The following CREB1 variants were observed in gnomAD, a reference collection of about 807,000 sequenced individuals.
CREB1 encodes the protein cyclic AMP-responsive element-binding protein 1.
Under a neutral mutation model 42.0 loss-of-function variants are expected in CREB1, and 2 were observed. That is an observed-to-expected ratio of 0.05 (90% CI 0.02 to 0.15). CREB1 has a LOEUF of 0.15. Ranked by LOEUF, CREB1 falls within the 10% of genes least tolerant of loss-of-function variation. The probability of loss-of-function intolerance (pLI) is 1.00; values close to 1 mark genes in which losing one functional copy is unlikely to be tolerated. For synonymous variants in CREB1, 123 were observed against 139.9 expected, an observed-to-expected ratio of 0.88 and a Z score of 0.85; for missense variants, 199 against 388.9, an observed-to-expected ratio of 0.51 and a Z score of 4.11.
At chr2:207,591,118 G>T (rs1367824423) in intron 7 of CREB1, among the ~76,000 whole-genome samples, 1 of 152,124 alleles carries the variant, frequency 6.6e-6, no homozygotes, top group Non-Finnish European at 1.5e-5. Context: ...GATAGGTGTA[G>T]TTGATTATGT....
At chr2:207,556,260 C>G (rs2106457684) in intron 2 of CREB1, among the ~76,000 whole-genome samples, 1 of 152,176 alleles carries the variant, frequency 6.6e-6, no homozygotes, top group African/African-American at 2.4e-5. Flanking sequence ...TTTCATCTTT[C>G]TCTTTAACAT....
Position 207,575,360 on chromosome 2 carries a change from A to G in CREB1, c.594A>G (p.Ala198=). The G allele has an allele frequency of 6.2e-7, 1 of 1,614,192 alleles. No homozygotes were observed. The highest frequency in any genetic ancestry group is 2.2e-5 in the East Asian group (1 of 44,878). The change falls in exon 6 of 8, where the codon GCA becomes GCG. Residue 198 remains alanine (A), a synonymous_variant. Transcript: ENST00000353267. ...QGLQTLTMTN[A]AATQPGTTIL... The stretch of plus-strand genomic sequence containing the variant: ...TGCAAACATTAACCATGACCAATGC[A>G]GCAGCCACTCAGCCGGGTACTACCA...
At position 207,599,318 on chromosome 2, in the gene CREB1, ATTAT is replaced by A. The variant is rs1465850929; in HGVS notation, c.*2266_*2269del. 12 of 207,224 alleles carry A rather than the reference ATTAT, an allele frequency of 5.8e-5. No individual in the cohort carries two copies. Among genetic ancestry groups the A allele is most frequent in the East Asian group, 5.2e-4 (7 of 13,450 alleles). The allele number at this position is 207,224 out of a possible 1,614,324, so 12.8% of individuals were successfully genotyped here. ...GTCACAAATATGTTCACAAGTTGGA[ATTAT>A]TTATTGAGTCAAAATGTCGAATCGA... On this transcript the variant is annotated 3_prime_UTR_variant, in exon 8 of 8. Coordinates refer to ENST00000353267, the MANE Select transcript of CREB1 (RefSeq NM_004379.5).
intron 1 of CREB1, among the ~76,000 whole-genome samples, chr2:207,553,707 T>C (rs1321494961): frequency 1.3e-5 from 2 of 152,326 alleles, no homozygotes; most frequent in East Asian, 3.9e-4. Flanking sequence ...TTTGTTTTAA[T>C]TATCCAAGTA....
At chr2:207,566,704 T>C (rs996117329) in intron 3 of CREB1, among the ~76,000 whole-genome samples, 1 of 152,324 alleles carries the variant, frequency 6.6e-6, no homozygotes, top group East Asian at 1.9e-4. Flanking sequence ...ATCTATGGAA[T>C]GGATATAATA....
At chr2:207,536,208 A>C (rs1170693282) in intron 1 of CREB1, among the ~76,000 whole-genome samples, 1 of 152,224 alleles carries the variant, frequency 6.6e-6, no homozygotes, top group Non-Finnish European at 1.5e-5. Flanking sequence ...GAAAGTGATT[A>C]ATAATATAGC....
chr2:207,548,175 C>T (rs572835389), intron 1 of CREB1, among the ~76,000 whole-genome samples: 2 of 152,060 alleles, frequency 1.3e-5, no homozygotes, highest in African/African-American at 2.4e-5. Flanking sequence ...GTAATCTGCC[C>T]GCCTAGGCCT....
chr2:207,564,284 G>T (rs1001969484), intron 3 of CREB1, among the ~76,000 whole-genome samples: 7 of 152,064 alleles, frequency 4.6e-5, no homozygotes, highest in African/African-American at 7.2e-5. Context: ...CAGGCAGGAG[G>T]ATTGCTTAAA....
At position 207,599,746 on chromosome 2, in the gene CREB1, T is replaced by C. The variant is rs1301152007; in HGVS notation, c.*2688T>C. The C allele has an allele frequency of 1.0e-5, 2 of 195,960 alleles. No individual in the cohort carries two copies. The highest frequency in any genetic ancestry group is 3.8e-4 in the South Asian group (2 of 5,212). The allele number at this position is 195,960 out of a possible 1,614,324, so 12.1% of individuals were successfully genotyped here. On this transcript the variant is annotated 3_prime_UTR_variant, in exon 8 of 8. Transcript: ENST00000353267. ...AGGTTTGTTTGTAAGCATGAAACTTTGAGAATCTTTATTAAGAAAATGACA... is the reference window on the plus strand; with the variant it reads ...AGGTTTGTTTGTAAGCATGAAACTTCGAGAATCTTTATTAAGAAAATGACA...
At chr2:207,568,247 T>C (rs966754264) in intron 4 of CREB1, 8 of 152,032 alleles carry the variant, frequency 5.3e-5, no homozygotes, top group Non-Finnish European at 1.2e-4. Flanking sequence ...GATGGTTTTT[T>C]CCCCCCGCTT....
chr2:207,575,086 C>T lies in CREB1; in HGVS notation c.506-186C>T, dbSNP rs370528172. On this transcript the variant is annotated intron_variant, in intron 5 of 7. Transcript: ENST00000353267. ...AGAATGCAGTTCATAGAGTGCATTT[C>T]TATTGTAGAAGTTGAATATGGGTTT... Among the ~76,000 whole-genome samples the T allele has an allele frequency of 1.2e-4, 18 of 152,266 alleles. No individual in the cohort carries two copies. The South Asian group carries it at 3.3e-3, about 28-fold the overall frequency.
intron 7 of CREB1, among the ~76,000 whole-genome samples, chr2:207,590,616 G>T (rs997065734): frequency 6.6e-6 from 1 of 151,804 alleles, no homozygotes; most frequent in Non-Finnish European, 1.5e-5. Flanking sequence ...AGTTTCTTAA[G>T]ACAATAGTTG....
In CREB1 at chr2:207,597,138, A is replaced by C; in HGVS notation, c.*80A>C. The C allele has an allele frequency of 7.0e-7, 1 of 1,434,536 alleles. No individual in the cohort carries two copies. Among genetic ancestry groups the C allele is most frequent in the Non-Finnish European group, 9.3e-7 (1 of 1,075,778 alleles). 88.9% of individuals were successfully genotyped at this position (1,434,536 alleles called of 1,614,324 possible). ...ACCTGAAAGACAAAATAAACATTTTATTTTCTAAACATTTCTTTTTTTCTA... is the reference window on the plus strand; with the variant it reads ...ACCTGAAAGACAAAATAAACATTTTCTTTTCTAAACATTTCTTTTTTTCTA... On this transcript the variant is annotated 3_prime_UTR_variant, in exon 8 of 8. Coordinates refer to ENST00000353267, the MANE Select transcript of CREB1 (RefSeq NM_004379.5).
chr2:207,582,925 A>C, intron 7 of CREB1: 1 of 261,738 alleles, frequency 3.8e-6, no homozygotes, highest in Non-Finnish European at 7.6e-6. Context: ...AAAAATATAT[A>C]TATATACATA....
intron 5 of CREB1, among the ~76,000 whole-genome samples, chr2:207,574,508 C>G (rs952785019): frequency 6.6e-6 from 1 of 152,122 alleles, no homozygotes; most frequent in African/African-American, 2.4e-5. Context: ...CTAGTATGAG[C>G]AAAAGTTGAC....
At chr2:207,534,180 A>G (rs917971439) in intron 1 of CREB1, among the ~76,000 whole-genome samples, 1 of 152,232 alleles carries the variant, frequency 6.6e-6, no homozygotes, top group Non-Finnish European at 1.5e-5. Flanking sequence ...AATACATACT[A>G]AGTCCCAGGC....
At chr2:207,556,467 C>G (rs1030332006) in intron 2 of CREB1, among the ~76,000 whole-genome samples, 55 of 152,258 alleles carry the variant, frequency 3.6e-4, no homozygotes, top group African/African-American at 1.3e-3. Flanking sequence ...AGAATATAAT[C>G]CTAGCAGAAG....
At chr2:207,568,742 C>T (rs542571779) in intron 4 of CREB1, among the ~76,000 whole-genome samples, 4 of 152,158 alleles carry the variant, frequency 2.6e-5, no homozygotes, top group African/African-American at 9.6e-5. Flanking sequence ...TTTTTCCCAC[C>T]TTTCAGTGTG....
chr2:207,586,801 A>T (rs1574949023), intron 7 of CREB1, among the ~76,000 whole-genome samples: 1 of 152,256 alleles, frequency 6.6e-6, no homozygotes, highest in Admixed American at 6.5e-5. Context: ...ATATTTGAAA[A>T]GCTCAACATT....
Sources: gnomAD v4.1 joint callset for allele counts (sites outside exome capture counted in the v4.1 genomes callset) on GRCh38, gnomAD v4.1.1 for gene constraint, MANE v1.5 for transcripts, NCBI Gene and HGNC (gene_info 2026-07-23, HGNC 2026-07-21) for gene names.